The following NELL1 variants were observed in gnomAD, a reference collection of about 807,000 sequenced individuals.
NELL1 encodes protein kinase C-binding protein NELL1.
NELL1 carries 76 observed loss-of-function variants against 107.4 expected under a neutral mutation model. The ratio of observed to expected loss-of-function variants is 0.71; its 90% CI spans 0.59 to 0.86. NELL1 has a LOEUF of 0.86. Ranked by LOEUF, NELL1 falls within the 40% of genes least tolerant of loss-of-function variation. The pLI is 0.00. For missense variants in NELL1, 1,024 were observed against 1,005.5 expected (o/e 1.02, Z -0.25); for synonymous variants, 353 against 341.2 (o/e 1.03, Z -0.38).
intron 11 of NELL1, among the ~76,000 whole-genome samples, chr11:20,952,297 G>A (rs981610983): frequency 6.6e-6 from 1 of 152,120 alleles, no homozygotes; most frequent in African/African-American, 2.4e-5. Flanking sequence ...GCGTTTATCT[G>A]TAATTTTAAT....
intron 2 of NELL1, among the ~76,000 whole-genome samples, chr11:20,680,453 GT>G (rs1451043795): frequency 2.0e-5 from 3 of 152,168 alleles, no homozygotes; most frequent in African/African-American, 7.2e-5. Context: ...GGGTGAGACA[GT>G]GGGTATAATC....
Position 20,805,392 on chromosome 11 carries a change from C to T in NELL1, c.335+21562C>T, listed in dbSNP as rs550878896. Among the ~76,000 whole-genome samples the T allele has an allele frequency of 3.3e-5, 5 of 151,436 alleles. No individual in the cohort carries two copies. In the East Asian group the frequency reaches 9.7e-4, roughly 29 times the overall value. ...TATTCTCTTTCATCTTTCTTTTTTT[C>T]CTGTCTTCCTTTTAGTGAAGGTGGT... On this transcript the variant is annotated intron_variant, in intron 3 of 19. Coordinates refer to ENST00000357134, the MANE Select transcript of NELL1 (RefSeq NM_006157.5).
chr11:21,171,497 G>A (rs1248497337), intron 13 of NELL1, among the ~76,000 whole-genome samples: 2 of 151,788 alleles, frequency 1.3e-5, no homozygotes, highest in African/African-American at 4.9e-5. Flanking sequence ...AACAAACTGC[G>A]AGTGTTTCTA....
chr11:21,147,043 C>G (rs1855996956), intron 13 of NELL1, among the ~76,000 whole-genome samples: 1 of 152,112 alleles, frequency 6.6e-6, no homozygotes, highest in African/African-American at 2.4e-5. Context: ...GACTCCTTCT[C>G]AAAAGAAGAG....
chr11:21,173,531 G>C (rs1380921265), intron 13 of NELL1, among the ~76,000 whole-genome samples: 3 of 151,828 alleles, frequency 2.0e-5, no homozygotes, highest in African/African-American at 7.3e-5. Flanking sequence ...CTACTCCAGG[G>C]AAAGGCAGTG....
intron 16 of NELL1, among the ~76,000 whole-genome samples, chr11:21,544,220 G>A (rs1026717716): frequency 3.4e-4 from 52 of 151,958 alleles, no homozygotes; most frequent in African/African-American, 1.2e-3. Context: ...ACAAGTATTG[G>A]GATGTTATTA....
intron 2 of NELL1, among the ~76,000 whole-genome samples, chr11:20,760,580 G>A (rs1015646398): frequency 6.6e-6 from 1 of 152,186 alleles, no homozygotes; most frequent in Non-Finnish European, 1.5e-5. Context: ...GAAGGCACAT[G>A]GAGTGTGTCC....
chr11:20,864,584 G>C (rs550191265), intron 4 of NELL1, among the ~76,000 whole-genome samples: 3 of 152,190 alleles, frequency 2.0e-5, no homozygotes, highest in Admixed American at 2.0e-4. Context: ...ATAGGCCATC[G>C]TCCCAATTGG....
chr11:21,129,409 G>A (rs1398756034), intron 13 of NELL1, among the ~76,000 whole-genome samples: 2 of 152,062 alleles, frequency 1.3e-5, no homozygotes, highest in African/African-American at 2.4e-5. Context: ...CCACTTATGG[G>A]TATATACCCA....
chr11:21,331,365 C>A (rs1850269137), intron 14 of NELL1, among the ~76,000 whole-genome samples: 1 of 151,632 alleles, frequency 6.6e-6, no homozygotes. Flanking sequence ...TTTTTCTTAT[C>A]TTTTATTTGT....
chr11:21,445,137 A>G (rs577523992), intron 15 of NELL1, among the ~76,000 whole-genome samples: 1 of 152,282 alleles, frequency 6.6e-6, no homozygotes, highest in Admixed American at 6.5e-5. Flanking sequence ...GTCTTCTACA[A>G]AAACTGTTCT....
chr11:21,293,022 G>C (rs1237915063), intron 14 of NELL1, among the ~76,000 whole-genome samples: 1 of 152,122 alleles, frequency 6.6e-6, no homozygotes, highest in Non-Finnish European at 1.5e-5. Context: ...CATGGGCAAA[G>C]TCTTCATGAC....
At chr11:20,674,056 T>C (rs1853986954) in intron 1 of NELL1, among the ~76,000 whole-genome samples, 1 of 152,202 alleles carries the variant, frequency 6.6e-6, no homozygotes, top group African/African-American at 2.4e-5. Context: ...ATTTCTCTTT[T>C]TTTGGCTCTG....
At chr11:21,025,237 C>T (rs1172176506) in intron 12 of NELL1, among the ~76,000 whole-genome samples, 1 of 152,058 alleles carries the variant, frequency 6.6e-6, no homozygotes, top group Non-Finnish European at 1.5e-5. Context: ...ATAGCATTCT[C>T]TATTGAGCTT....
intron 2 of NELL1, 78 bp from the exon 3 acceptor site, chr11:20,783,602 C>T: frequency 3.0e-6 from 3 of 1,004,280 alleles, no homozygotes; most frequent in South Asian, 2.0e-5. Flanking sequence ...TCTCCTCTTT[C>T]TCCTATATTT....
intron 17 of NELL1, among the ~76,000 whole-genome samples, chr11:21,566,083 A>G (rs1174167051): frequency 6.6e-6 from 1 of 151,956 alleles, no homozygotes; most frequent in African/African-American, 2.4e-5. Flanking sequence ...CAATTCTGCC[A>G]TTGCAGTGTG....
At chr11:21,455,443 T>C (rs994757495) in intron 15 of NELL1, among the ~76,000 whole-genome samples, 9 of 151,620 alleles carry the variant, frequency 5.9e-5, no homozygotes, top group Non-Finnish European at 1.2e-4. Context: ...GTGATCCTCC[T>C]GCTTCAGCCT....
chr11:21,541,500 T>C (rs1488654965), intron 16 of NELL1, among the ~76,000 whole-genome samples: 2 of 152,138 alleles, frequency 1.3e-5, no homozygotes, highest in African/African-American at 2.4e-5. Context: ...TGACTGCTTC[T>C]GCTCAGTGCC....
At chr11:20,691,822 T>C (rs1854474808) in intron 2 of NELL1, among the ~76,000 whole-genome samples, 1 of 152,146 alleles carries the variant, frequency 6.6e-6, no homozygotes, top group Admixed American at 6.6e-5. Context: ...GAGGATTCCC[T>C]CTTTTTCTAT....
Sources: allele counts gnomAD v4.1 joint callset (sites outside exome capture counted in the v4.1 genomes callset), GRCh38; gene constraint gnomAD v4.1.1; transcripts MANE v1.5; gene names NCBI Gene and HGNC (gene_info 2026-07-23, HGNC 2026-07-21).